NTRK2: variants seen among roughly 807,000 people sequenced by gnomAD.
NTRK2 encodes neurotrophic receptor tyrosine kinase 2, also known as BDNF/NT-3 growth factors receptor.
In NTRK2, 13 loss-of-function variants were observed where a neutral mutation model predicts 94.5. The ratio of observed to expected loss-of-function variants is 0.14; its 90% confidence interval spans 0.09 to 0.22. NTRK2 has a LOEUF of 0.22. NTRK2 is among the 10% of genes least tolerant of loss of function. The pLI, the probability that NTRK2 is intolerant of heterozygous loss-of-function variation, is 1.00. For missense variants in NTRK2, 639 were observed against 1,071.2 expected, an observed-to-expected ratio of 0.60 and a Z score of 5.63; for synonymous variants, 372 against 407.4, an observed-to-expected ratio of 0.91 and a Z score of 1.05.
At chr9:84,695,878 G>A (rs2060346662) in intron 2 of NTRK2, among the ~76,000 whole-genome samples, 1 of 152,134 alleles carries the variant, frequency 6.6e-6, no homozygotes, top group Admixed American at 6.5e-5. Flanking sequence ...AGTGTCCACT[G>A]TCTCTCCTTA....
chr9:84,702,321 T>G (rs2060784688), intron 3 of NTRK2, 27 bp from the exon 4 acceptor site: 1 of 1,612,874 alleles, frequency 6.2e-7, no homozygotes, highest in Non-Finnish European at 8.5e-7. Flanking sequence ...TTCGTTCTAA[T>G]GTGCATGAAA....
intron 14 of NTRK2, among the ~76,000 whole-genome samples, chr9:84,883,191 G>T (rs1013690921): frequency 2.6e-5 from 4 of 152,234 alleles, no homozygotes; most frequent in African/African-American, 7.2e-5. Flanking sequence ...TAGGATAAAT[G>T]TAAGAGTTTG....
rs1353531155 is a variant in NTRK2 at position 84,670,719 on chromosome 9, A to G, written c.-30A>G. Reference sequence around the variant, plus strand: ...AAAGCGGCCGGTGCAGCGCGGGGACAGGCACTCGGGCTGGCACTGGCTGCT... The same window carrying G: ...AAAGCGGCCGGTGCAGCGCGGGGACGGGCACTCGGGCTGGCACTGGCTGCT... On this transcript the variant is annotated 5_prime_UTR_variant, in exon 2 of 19. Coordinates refer to ENST00000277120, the MANE Select transcript of NTRK2 (RefSeq NM_006180.6). 4 of 1,605,864 alleles carry G rather than the reference A, an allele frequency of 2.5e-6. No individual in the cohort carries two copies. Among genetic ancestry groups the G allele is most frequent in the Non-Finnish European group, 3.4e-6 (4 of 1,176,430 alleles).
intron 17 of NTRK2, among the ~76,000 whole-genome samples, chr9:85,019,985 G>C (rs143279822): frequency 6.6e-6 from 1 of 152,302 alleles, no homozygotes; most frequent in East Asian, 1.9e-4. Context: ...GGTTTTGAGA[G>C]AAAGAATTGC....
intron 17 of NTRK2, among the ~76,000 whole-genome samples, chr9:84,996,487 C>T (rs1446494846): frequency 6.6e-6 from 1 of 152,226 alleles, no homozygotes; most frequent in Non-Finnish European, 1.5e-5. Context: ...GAACTTCTTC[C>T]TTCTATCGCT....
In NTRK2 at chr9:84,899,491, C is replaced by T. The variant is rs748571091; in HGVS notation, c.1633+32060C>T. ...CTCTCTCTGGAAAGTCAGGAGGGCA[C>T]CTGCCCTCCCACCAGCCATGACCTA... On this transcript the variant is annotated intron_variant, in intron 14 of 18. Transcript: ENST00000277120. Among the ~76,000 whole-genome samples the T allele has an allele frequency of 4.6e-4, 70 of 152,308 alleles. 1 individual carries two copies. Among genetic ancestry groups the T allele is most frequent in the Non-Finnish European group, 6.5e-4 (44 of 68,030 alleles).
intron 2 of NTRK2, among the ~76,000 whole-genome samples, chr9:84,698,766 A>G (rs1054708495): frequency 6.6e-6 from 1 of 152,118 alleles, no homozygotes; most frequent in Admixed American, 6.5e-5. Context: ...TGTTATTTTA[A>G]TTTACATTTC....
chr9:84,867,582 T>C, intron 14 of NTRK2, 151 bp downstream of exon 14: 1 of 746,596 alleles, frequency 1.3e-6, no homozygotes, highest in Non-Finnish European at 2.4e-6. Context: ...CAGGAATAGA[T>C]CCTTTAGTTT....
intron 17 of NTRK2, among the ~76,000 whole-genome samples, chr9:85,009,288 A>G (rs1831308314): frequency 6.6e-6 from 1 of 152,266 alleles, no homozygotes; most frequent in Admixed American, 6.5e-5. Context: ...CAGACTTGCT[A>G]TAAACACCTG....
chr9:84,936,702 C>G (rs2078224166), intron 15 of NTRK2, among the ~76,000 whole-genome samples: 1 of 152,050 alleles, frequency 6.6e-6, no homozygotes, highest in Non-Finnish European at 1.5e-5. Context: ...TGTTAAATCC[C>G]AACTCTTCTC....
chr9:84,928,083 A>G (rs1189061358), intron 14 of NTRK2, among the ~76,000 whole-genome samples: 1 of 152,224 alleles, frequency 6.6e-6, no homozygotes, highest in Non-Finnish European at 1.5e-5. Context: ...AATATTATTT[A>G]TGAATATTTA....
chr9:85,009,987 G>A (rs1397046196), intron 17 of NTRK2, among the ~76,000 whole-genome samples: 1 of 152,224 alleles, frequency 6.6e-6, no homozygotes, highest in Non-Finnish European at 1.5e-5. Context: ...ATGGTGGAAT[G>A]TAGATTCCAG....
At chr9:85,006,918 AG>A (rs1323564603) in intron 17 of NTRK2, among the ~76,000 whole-genome samples, 4 of 152,330 alleles carry the variant, frequency 2.6e-5, no homozygotes, top group African/African-American at 4.8e-5. Flanking sequence ...CAGCACTTAC[AG>A]GAAGCTGCCT....
chr9:84,998,461 C>G (rs1830006736), intron 17 of NTRK2, among the ~76,000 whole-genome samples: 1 of 152,180 alleles, frequency 6.6e-6, no homozygotes, highest in Non-Finnish European at 1.5e-5. Flanking sequence ...CTCTATAAAT[C>G]CAGCACTATG....
intron 17 of NTRK2, among the ~76,000 whole-genome samples, chr9:84,985,320 C>T (rs1828161534): frequency 6.6e-6 from 1 of 152,148 alleles, no homozygotes; most frequent in Non-Finnish European, 1.5e-5. Context: ...ATGTGACTAA[C>T]ATTTATTGAG....
chr9:84,799,541 T>G (rs2070126242), intron 12 of NTRK2, among the ~76,000 whole-genome samples: 1 of 152,180 alleles, frequency 6.6e-6, no homozygotes, highest in Admixed American at 6.5e-5. Flanking sequence ...GTTATTTTAG[T>G]GAACTGCCAG....
intron 12 of NTRK2, among the ~76,000 whole-genome samples, chr9:84,772,139 C>T (rs1296004177): frequency 6.6e-6 from 1 of 152,184 alleles, no homozygotes; most frequent in Non-Finnish European, 1.5e-5. Context: ...TAAGATACTG[C>T]CCAGCAAATA....
intron 12 of NTRK2, among the ~76,000 whole-genome samples, chr9:84,827,725 T>C (rs967124372): frequency 5.3e-5 from 8 of 151,872 alleles, no homozygotes; most frequent in Admixed American, 5.3e-4. Flanking sequence ...CTGACTTCAT[T>C]GCAAGCTGCC....
At chr9:84,881,362 C>T (rs867224060) in intron 14 of NTRK2, among the ~76,000 whole-genome samples, 26 of 152,062 alleles carry the variant, frequency 1.7e-4, no homozygotes, top group Non-Finnish European at 2.6e-4. Context: ...GGATGATGAA[C>T]GTGTAATCAG....
Sources: allele counts gnomAD v4.1 joint callset (sites outside exome capture counted in the v4.1 genomes callset), GRCh38; gene constraint gnomAD v4.1.1; transcripts MANE v1.5; gene names NCBI Gene and HGNC (gene_info 2026-07-23, HGNC 2026-07-21).